MAP2K5: variants seen among roughly 807,000 people sequenced by gnomAD.
The protein encoded by MAP2K5 is mitogen-activated protein kinase kinase 5.
Under a neutral mutation model 83.1 loss-of-function variants are expected in MAP2K5, and 49 were observed. That is an observed-to-expected ratio of 0.59 (90% CI 0.47 to 0.75). MAP2K5 has a LOEUF of 0.75. Ranked by LOEUF, MAP2K5 falls within the 30% of genes least tolerant of loss-of-function variation. The pLI is 0.00. For missense variants in MAP2K5, 457 were observed against 557.5 expected, an observed-to-expected ratio of 0.82 and a Z score of 1.82; for synonymous variants, 202 against 191.8, an observed-to-expected ratio of 1.05 and a Z score of -0.44.
chr15:67,603,499 A>G (rs537740446), intron 8 of MAP2K5, among the ~76,000 whole-genome samples: 1 of 152,144 alleles, frequency 6.6e-6, no homozygotes, highest in Non-Finnish European at 1.5e-5. Context: ...GATAATTTTC[A>G]TTCTTATATA....
At chr15:67,550,148 G>C (rs1375670089) in intron 2 of MAP2K5, 66 bp downstream of exon 2, 1 of 1,276,038 alleles carries the variant, frequency 7.8e-7, no homozygotes, top group African/African-American at 1.5e-5. Context: ...GGGTTTATGG[G>C]TGGCATTACT....
Position 67,676,195 on chromosome 15 carries a change from C to G in MAP2K5, c.847+11550C>G, listed in dbSNP as rs1255315358. On this transcript the variant is annotated intron_variant, in intron 13 of 21. Transcript: ENST00000178640. This position sits in a 1 kb window ranked among gnomAD's most constrained non-coding sequence, Gnocchi z 4.8. ...TCATTGCTTTGTCTCTGACACAAAC[C>G]TGAAGTTTAGGAGCTTATCAGAGGG... Among the ~76,000 whole-genome samples, 1 of 152,098 alleles carries G rather than the reference C, an allele frequency of 6.6e-6. No homozygotes were observed. The highest frequency in any genetic ancestry group is 1.5e-5 in the Non-Finnish European group (1 of 68,004).
In MAP2K5 at chr15:67,806,649, C is replaced by A; in HGVS notation, c.1246C>A (p.His416Asn). The change falls in exon 22 of 22, where the codon CAC becomes AAC. Residue 416 changes from histidine to asparagine, a missense_variant. His to Asn is a moderately conservative substitution (Grantham distance 68). Transcript: ENST00000178640. The part of the protein sequence containing the change: ...ERPAPEELMG[H>N]PFIVQFNDGN... ...AGCCTCCTCCTCTTCCCCGCAGGGC[C>A]ACCCGTTCATCGTGCAGTTCAATGA... 1 of 1,550,402 alleles carries A rather than the reference C, an allele frequency of 6.4e-7. No individual in the cohort carries two copies.
chr15:67,620,026 T>C (rs1034761161), intron 8 of MAP2K5, among the ~76,000 whole-genome samples: 7 of 152,216 alleles, frequency 4.6e-5, no homozygotes, highest in African/African-American at 1.7e-4. Flanking sequence ...GCTATGATTG[T>C]CACACTGTAC....
intron 8 of MAP2K5, chr15:67,628,295 C>T (rs1339943958): frequency 1.2e-5 from 6 of 517,104 alleles, no homozygotes; most frequent in African/African-American, 9.8e-5. Context: ...GCCTGGCCAA[C>T]ATGGTGAAAC....
chr15:67,595,645 A>T (rs1217163646), intron 7 of MAP2K5, among the ~76,000 whole-genome samples: 1 of 152,212 alleles, frequency 6.6e-6, no homozygotes, highest in Non-Finnish European at 1.5e-5. Context: ...CAAGCACTTT[A>T]AAAAAAGTTT....
chr15:67,680,515 C>G (rs1324885668), intron 13 of MAP2K5, among the ~76,000 whole-genome samples: 1 of 152,182 alleles, frequency 6.6e-6, no homozygotes, highest in Non-Finnish European at 1.5e-5. Context: ...CTACAAAGGT[C>G]ATATGATAGC....
intron 17 of MAP2K5, among the ~76,000 whole-genome samples, chr15:67,730,496 C>T (rs772970349): frequency 1.3e-5 from 2 of 152,170 alleles, no homozygotes; most frequent in African/African-American, 2.4e-5. Flanking sequence ...TAGACATCAT[C>T]AAATCAAACT....
intron 21 of MAP2K5, among the ~76,000 whole-genome samples, chr15:67,791,181 G>A (rs1222713598): frequency 6.6e-6 from 1 of 152,226 alleles, no homozygotes; most frequent in African/African-American, 2.4e-5. Context: ...AATGTCAGCA[G>A]TTAGCTGGCA....
chr15:67,777,420 A>G lies in MAP2K5; in HGVS notation c.1242+4668A>G, dbSNP rs1017795368. 1.3e-5 allele frequency among the ~76,000 whole-genome samples: 2 copies of G among 152,222 alleles called. No individual in the cohort carries two copies. Among genetic ancestry groups the G allele is most frequent in the East Asian group, 3.8e-4 (2 of 5,204 alleles). On this transcript the variant is annotated intron_variant, in intron 21 of 21. Coordinates refer to ENST00000178640, the MANE Select transcript of MAP2K5 (RefSeq NM_145160.3). The surrounding 1 kb of genome is among the most constrained non-coding windows in gnomAD (Gnocchi z 6.0). ...AGTAAGTAATCAGGTCAGAAGAAGC[A>G]GCATCCCGGTTTGAGATCAATCGCT... is the stretch of plus-strand genomic sequence containing the variant.
chr15:67,687,943 TAAG>T (rs548457768), intron 13 of MAP2K5, among the ~76,000 whole-genome samples: 18 of 151,992 alleles, frequency 1.2e-4, no homozygotes, highest in Non-Finnish European at 2.1e-4. Context: ...AGGTAAATGT[TAAG>T]AAGAACACTG....
chr15:67,561,173 A>G lies in MAP2K5; in HGVS notation c.185-2110A>G, dbSNP rs1423564371. 2.0e-5 allele frequency among the ~76,000 whole-genome samples: 3 copies of G among 152,206 alleles called. No individual in the cohort carries two copies. The highest frequency in any genetic ancestry group is 4.8e-5 in the African/African-American group (2 of 41,448). On this transcript the variant is annotated intron_variant, in intron 2 of 21. Coordinates refer to ENST00000178640, the MANE Select transcript of MAP2K5 (RefSeq NM_145160.3). This position sits in a 1 kb window ranked among gnomAD's most constrained non-coding sequence, Gnocchi z 4.2. ...TAAAGAACAAATCAGTTTAGCCTAC[A>G]TTTAAAGAGAATTTGACCTGGTTTT...
At chr15:67,693,714 A>G in intron 15 of MAP2K5, 146 bp downstream of exon 15, 2 of 610,172 alleles carry the variant, frequency 3.3e-6, no homozygotes, top group Non-Finnish European at 5.7e-6. Context: ...TCTGATTTTT[A>G]AATCTTTCTA....
Position 67,794,629 on chromosome 15 carries a change from A to G in MAP2K5, c.1243-12017A>G, listed in dbSNP as rs1273990366. On this transcript the variant is annotated intron_variant, in intron 21 of 21. Coordinates refer to ENST00000178640, the MANE Select transcript of MAP2K5 (RefSeq NM_145160.3). The surrounding 1 kb of genome is among the most constrained non-coding windows in gnomAD (Gnocchi z 4.6). ...ACTGAGGGTCGGGTAACTCTGGAACATCACAGCTGAAAAAAAAAAAAAAAA... is the reference window on the plus strand; with the variant it reads ...ACTGAGGGTCGGGTAACTCTGGAACGTCACAGCTGAAAAAAAAAAAAAAAA... Among the ~76,000 whole-genome samples the G allele has an allele frequency of 4.0e-5, 5 of 126,184 alleles. No individual in the cohort carries two copies. Among genetic ancestry groups the G allele is most frequent in the Non-Finnish European group, 8.1e-5 (5 of 61,608 alleles). 82.8% of individuals were successfully genotyped at this position (126,184 alleles called of 152,430 possible).
chr15:67,758,385 GAGA>G lies in MAP2K5; in HGVS notation c.1134+9785_1134+9787del, dbSNP rs1180008313. ...TCTCCTGAGATGGGGCACACGGAAA[GAGA>G]GGCATTTTCAAGGGATGAGATGATT... On this transcript the variant is annotated intron_variant, in intron 19 of 21. Transcript: ENST00000178640. The surrounding 1 kb of genome is among the most constrained non-coding windows in gnomAD (Gnocchi z 4.7). 3.1e-4 allele frequency among the ~76,000 whole-genome samples: 47 copies of G among 152,266 alleles called. No homozygotes were observed. The highest frequency in any genetic ancestry group is 1.1e-3 in the African/African-American group (45 of 41,544).
chr15:67,685,678 A>G (rs890683009), intron 13 of MAP2K5, among the ~76,000 whole-genome samples: 6 of 152,262 alleles, frequency 3.9e-5, no homozygotes, highest in Admixed American at 1.3e-4. Flanking sequence ...ATATTATTGT[A>G]AGGTTTGTAC....
rs891504955 is a variant in MAP2K5, at chr15:67,545,020, C to T, written c.135+1550C>T. On this transcript the variant is annotated intron_variant, in intron 1 of 21. Transcript: ENST00000178640. ...TCTGGATTGGCCCCTGTCTGCCTGGCACCTGTGTCATCTCTCTTCACGGCC... is the reference window on the plus strand; with the variant it reads ...TCTGGATTGGCCCCTGTCTGCCTGGTACCTGTGTCATCTCTCTTCACGGCC... 5.9e-5 allele frequency among the ~76,000 whole-genome samples: 9 copies of T among 152,190 alleles called. No homozygotes were observed. The East Asian group carries it at 1.7e-3, about 29-fold the overall frequency.
chr15:67,712,236 T>G (rs973416842), intron 16 of MAP2K5, among the ~76,000 whole-genome samples: 3 of 152,212 alleles, frequency 2.0e-5, no homozygotes, highest in Non-Finnish European at 4.4e-5. Flanking sequence ...TAGCAGAGAC[T>G]TTCTCTAGGG....
chr15:67,680,175 A>G (rs3985640), intron 13 of MAP2K5, among the ~76,000 whole-genome samples: 149,586 of 152,296 alleles, frequency 0.98, 73,530 homozygotes, highest in Middle Eastern at 1. Flanking sequence ...TTATTGTTGA[A>G]TAGTATTCCA....
Sources: gnomAD v4.1 joint callset for allele counts (sites outside exome capture counted in the v4.1 genomes callset) on GRCh38, gnomAD v4.1.1 for gene constraint, Gnocchi (gnomAD v3.1) non-coding constraint, MANE v1.5 for transcripts, NCBI Gene and HGNC (gene_info 2026-07-23, HGNC 2026-07-21) for gene names.